The following CFD variants were observed in gnomAD, a reference collection of about 807,000 sequenced individuals.
CFD encodes the protein complement factor D.
A neutral mutation model predicts 21.1 loss-of-function variants in CFD; 24 were observed. The ratio of observed to expected loss-of-function variants is 1.14; its 90% CI spans 0.82 to 1.60. The LOEUF is 1.60. Among genes scored for constraint, CFD ranks in the 40% most tolerant of loss-of-function variants. The probability of loss-of-function intolerance (pLI) is 0.00; values close to 1 mark genes in which losing one functional copy is unlikely to be tolerated. For missense variants in CFD, 535 were observed against 383.3 expected (o/e 1.40, Z -3.31); for synonymous variants, 242 against 175.9 (o/e 1.38, Z -2.97).
At chr19:862,478 G>GGGGGCGGGCACGTGGAGGAA (rs1340374573) in intron 4 of CFD, among the ~76,000 whole-genome samples, 1 of 143,354 alleles carries the variant, frequency 7.0e-6, no homozygotes, top group Non-Finnish European at 1.5e-5. Context: ...GGGAGGTATA[G>GGGGGCGGGCACGTGGAGGAA]GGGGCGGGCA....
In CFD at chr19:861,811, A is replaced by C. The variant is rs2035799170; in HGVS notation, c.470A>C (p.Asn157Thr). The change falls in exon 4 of 5, where the codon AAC (asparagine) becomes ACC (threonine). Residue 157 changes from asparagine (N) to threonine (T), a missense_variant. Asn to Thr is a moderately conservative substitution (Grantham distance 65, BLOSUM62 0). Coordinates refer to ENST00000327726, the MANE Select transcript of CFD (RefSeq NM_001928.4). ...LCDVAGWGIV[N>T]HAGRRPDSLQ... ...GACGTGGCCGGCTGGGGCATAGTCAACCACGCGGGCCGCCGCCCGGACAGC... is the reference window on the plus strand; with the variant it reads ...GACGTGGCCGGCTGGGGCATAGTCACCCACGCGGGCCGCCGCCCGGACAGC... The C allele has an allele frequency of 6.2e-7, 1 of 1,603,244 alleles. No individual in the cohort carries two copies. Among genetic ancestry groups the C allele is most frequent in the Non-Finnish European group, 8.5e-7 (1 of 1,179,114 alleles).
chr19:861,112 T>A, intron 3 of CFD, 107 bp downstream of exon 3: 1 of 1,026,246 alleles, frequency 9.7e-7, no homozygotes, highest in Non-Finnish European at 1.5e-6. Context: ...CCTCTCCTGC[T>A]GCATGGGGAC....
At position 862,010 on chromosome 19, in the gene CFD, C is replaced by T. The variant is rs1480397806; in HGVS notation, c.615+54C>T. The T allele has an allele frequency of 6.6e-6, 10 of 1,505,518 alleles. No homozygotes were observed. The East Asian group carries it at 2.2e-4, about 33-fold the overall frequency. 93.3% of individuals were successfully genotyped at this position (1,505,518 alleles called of 1,614,324 possible). A position where few individuals can be genotyped will look rare whatever the true frequency, so the allele number is the denominator to read the frequency against. On this transcript the variant is annotated intron_variant, in intron 4 of 4. Coordinates refer to ENST00000327726, the MANE Select transcript of CFD (RefSeq NM_001928.4). Reference sequence around the variant, plus strand: ...GGGGCCTGCAGGCCCCGGGAAGGGCCTGCAGAGGGAGCGCGAAGCGGGGGG... The same window carrying T: ...GGGGCCTGCAGGCCCCGGGAAGGGCTTGCAGAGGGAGCGCGAAGCGGGGGG...
chr19:859,698 C>G lies in CFD; in HGVS notation c.9C>G (p.Ser3Arg). Residue 3 changes from serine to arginine, a missense_variant, in exon 1 of 5, where the codon AGC (serine) becomes AGG (arginine). Transcript: ENST00000327726. MH[S>R]WERLAVLVLL... The stretch of plus-strand genomic sequence containing the variant: ...GCCACAGCGGCTTCACCATGCACAG[C>G]TGGGAGCGCCTGGCAGTTCTGGTCC... The G allele has an allele frequency of 1.3e-6, 2 of 1,570,726 alleles. No individual in the cohort carries two copies. The highest frequency in any genetic ancestry group is 8.6e-7 in the Non-Finnish European group (1 of 1,158,406).
At position 860,534 on chromosome 19, in the gene CFD, G is replaced by T. The variant is rs1599299714; in HGVS notation, c.56-83G>T. On this transcript the variant is annotated intron_variant, in intron 1 of 4. Coordinates refer to ENST00000327726, the MANE Select transcript of CFD (RefSeq NM_001928.4). ...GGATTCTTGCGGGGAGCGGCCTGGG[G>T]GGTGAGAGCTGGGATCCCGTCAGGC... 3 of 1,315,168 alleles carry T rather than the reference G, an allele frequency of 2.3e-6. No homozygotes were observed. In the East Asian group the frequency reaches 9.3e-5, roughly 41 times the overall value. 81.5% of individuals were successfully genotyped at this position (1,315,168 alleles called of 1,614,324 possible). A position where few individuals can be genotyped will look rare whatever the true frequency, so the allele number is the denominator to read the frequency against.
chr19:861,988 G>A (rs1267026077), intron 4 of CFD, 32 bp downstream of exon 4: 8 of 1,517,834 alleles, frequency 5.3e-6, no homozygotes, highest in African/African-American at 1.4e-5. Flanking sequence ...GAGACGCGGG[G>A]CCTGCAGGCC....
Position 863,587 on chromosome 19 carries a change from GT to G in CFD, c.*350del, listed in dbSNP as rs938662486. The G allele has an allele frequency of 1.4e-3, 335 of 244,872 alleles. No homozygotes were observed. Among genetic ancestry groups the G allele is most frequent in the African/African-American group, 7.1e-3 (303 of 42,600 alleles). 15.2% of individuals were successfully genotyped at this position (244,872 alleles called of 1,614,324 possible). The stretch of plus-strand genomic sequence containing the variant: ...ACTGCCCTCCAGCCTGGGCAACAGA[GT>G]GAAACCTTGTCTCTCTCTACAAAAA... On this transcript the variant is annotated 3_prime_UTR_variant, in exon 5 of 5. Transcript: ENST00000327726.
In CFD at chr19:861,806, A is replaced by G; in HGVS notation, c.465A>G (p.Ile155Met). ...TCTGCGACGTGGCCGGCTGGGGCAT[A>G]GTCAACCACGCGGGCCGCCGCCCGG... ...GTLCDVAGWG[I>M]VNHAGRRPDS... The change falls in exon 4 of 5, where the codon ATA becomes ATG. Residue 155 changes from isoleucine to methionine, a missense_variant. Transcript: ENST00000327726. 6.2e-7 allele frequency: 1 copy of G among 1,604,020 alleles called. No individual in the cohort carries two copies. The highest frequency in any genetic ancestry group is 8.5e-7 in the Non-Finnish European group (1 of 1,179,156).
In CFD at chr19:861,686, C is replaced by T; in HGVS notation, c.358-13C>T. On this transcript the variant is annotated splice_polypyrimidine_tract_variant and intron_variant, in intron 3 of 4. Coordinates refer to ENST00000327726, the MANE Select transcript of CFD (RefSeq NM_001928.4). ...CCCCGCACCCCAACCCTGACGTCCG[C>T]CTCCACCCTCAGCTGTCGGAGAAGG... The T allele has an allele frequency of 6.3e-7, 1 of 1,594,576 alleles. No homozygotes were observed. Among genetic ancestry groups the T allele is most frequent in the Non-Finnish European group, 8.5e-7 (1 of 1,173,636 alleles).
intron 1 of CFD, 99 bp downstream of exon 1, chr19:859,843 G>A: frequency 1.2e-6 from 1 of 854,962 alleles, no homozygotes; most frequent in South Asian, 1.4e-5. Flanking sequence ...CAGGTGGGCA[G>A]GAAGGGGGTG....
chr19:860,535 G>A (rs2035771151), intron 1 of CFD, 82 bp from the exon 2 acceptor site: 2 of 1,314,894 alleles, frequency 1.5e-6, no homozygotes, highest in African/African-American at 1.6e-5. Flanking sequence ...CGGCCTGGGG[G>A]GTGAGAGCTG....
In CFD at chr19:860,760, T is replaced by C; in HGVS notation, c.199T>C (p.Cys67Arg). Residue 67 changes from cysteine to arginine, a missense_variant, in exon 2 of 5, where the codon TGC becomes CGC. By Grantham distance (180) the Cys-to-Arg change is radical. Transcript: ENST00000327726. ...AEQWVLSAAHCLEDAADGKVQ... is the reference protein window; with the variant it reads ...AEQWVLSAAHRLEDAADGKVQ... ...GCAGTGGGTGCTGAGCGCGGCGCAC[T>C]GCCTGGAGGACGCGTGAGTGCCCGC... is the stretch of plus-strand genomic sequence containing the variant. 3 of 1,566,994 alleles carry C rather than the reference T, an allele frequency of 1.9e-6. No individual in the cohort carries two copies. The highest frequency in any genetic ancestry group is 1.7e-6 in the Non-Finnish European group (2 of 1,165,574).
chr19:860,511 A>G, intron 1 of CFD, 106 bp from the exon 2 acceptor site: 17 of 999,400 alleles, frequency 1.7e-5, no homozygotes, highest in Non-Finnish European at 2.1e-5. Flanking sequence ...CAGAGATGGG[A>G]TTCTTGCGGG....
Position 861,053 on chromosome 19 carries a change from C to G in CFD, c.357+48C>G, listed in dbSNP as rs1238153219. 3.8e-6 allele frequency: 6 copies of G among 1,572,342 alleles called. No individual in the cohort carries two copies. The South Asian group carries it at 5.6e-5, about 15-fold the overall frequency. On this transcript the variant is annotated intron_variant, in intron 3 of 4. Coordinates refer to ENST00000327726, the MANE Select transcript of CFD (RefSeq NM_001928.4). ...CCTCCTGCGGCGCTGGGATCCCCGG[C>G]CCACCCTCACTCCACCCCGCCTACA...
In CFD at chr19:860,561, G is replaced by T; in HGVS notation, c.56-56G>T. On this transcript the variant is annotated intron_variant, in intron 1 of 4. Transcript: ENST00000327726. ...GTGAGAGCTGGGATCCCGTCAGGCA[G>T]CCTCGCCCGGGGGAGGAGTCCACCC... 5 of 1,364,296 alleles carry T rather than the reference G, an allele frequency of 3.7e-6. 1 individual carries two copies. Among genetic ancestry groups the T allele is most frequent in the Middle Eastern group, 2.7e-4 (1 of 3,704 alleles). 84.5% of individuals were successfully genotyped at this position (1,364,296 alleles called of 1,614,324 possible). A position where few individuals can be genotyped will look rare whatever the true frequency, so the allele number is the denominator to read the frequency against.
At chr19:862,950 C>A (rs143479761) in intron 4 of CFD, 142 bp from the exon 5 acceptor site, 3 of 812,708 alleles carry the variant, frequency 3.7e-6, no homozygotes, top group African/African-American at 3.5e-5. Flanking sequence ...TGGCGCGGGG[C>A]TATTGACTAG....
At position 862,039 on chromosome 19, in the gene CFD, G is replaced by A. The variant is rs1474475219; in HGVS notation, c.615+83G>A. On this transcript the variant is annotated intron_variant, in intron 4 of 4. Transcript: ENST00000327726. Reference sequence around the variant, plus strand: ...AGAGGGAGCGCGAAGCGGGGGGCAAGTAGGAACAGGGCCCAGGGAAGGGGC... The same window carrying A: ...AGAGGGAGCGCGAAGCGGGGGGCAAATAGGAACAGGGCCCAGGGAAGGGGC... 7 of 1,450,058 alleles carry A rather than the reference G, an allele frequency of 4.8e-6. No individual in the cohort carries two copies. In the African/African-American group the frequency reaches 8.6e-5, roughly 18 times the overall value. The allele number at this position is 1,450,058 out of a possible 1,614,324, so 89.8% of individuals were successfully genotyped here.
chr19:863,244 CG>C lies in CFD; in HGVS notation c.*10del. 1 of 1,547,460 alleles carries C rather than the reference CG, an allele frequency of 6.5e-7. No individual in the cohort carries two copies. The highest frequency in any genetic ancestry group is 8.7e-7 in the Non-Finnish European group (1 of 1,153,180). On this transcript the variant is annotated 3_prime_UTR_variant, in exon 5 of 5. Coordinates refer to ENST00000327726, the MANE Select transcript of CFD (RefSeq NM_001928.4). ...TCGACAGCGTCCTGGCCTAGGGTGC[CG>C]GGGCCTGAAGGTCAGGGTCACCCAA...
chr19:861,569 T>G, intron 3 of CFD, 130 bp from the exon 4 acceptor site: 1 of 998,992 alleles, frequency 1.0e-6, no homozygotes, highest in Non-Finnish European at 1.4e-6. Context: ...CCTAAATCTC[T>G]CCTGCTGCAC....
Sources: gnomAD v4.1 joint callset for allele counts (sites outside exome capture counted in the v4.1 genomes callset) on GRCh38, gnomAD v4.1.1 for gene constraint, MANE v1.5 for transcripts, NCBI Gene and HGNC (gene_info 2026-07-23, HGNC 2026-07-21) for gene names.